The following FANCA variants were observed in gnomAD, a reference collection of about 807,000 sequenced individuals.
FANCA encodes Fanconi anemia group A protein.
In FANCA, 236 loss-of-function variants were observed where a neutral mutation model predicts 194.3. The ratio of observed to expected loss-of-function variants is 1.21; its 90% confidence interval spans 1.09 to 1.35. FANCA has a LOEUF of 1.35. Ranked by LOEUF, FANCA falls within the 40% of genes most tolerant of loss-of-function variation. The pLI, the probability that FANCA is intolerant of heterozygous loss-of-function variation, is 0.00. For synonymous variants in FANCA, 1,014 were observed against 715.8 expected (o/e 1.42, Z -6.65); for missense variants, 2,628 against 1,813.9 (o/e 1.45, Z -8.15).
chr16:89,796,766 T>A (rs113217055), intron 10 of FANCA, among the ~76,000 whole-genome samples: 4,294 of 152,276 alleles, frequency 0.028, 224 homozygotes, highest in African/African-American at 0.098. Context: ...CTCATGCCTG[T>A]AATCCCAGCA....
chr16:89,805,155 AT>A lies in FANCA; in HGVS notation c.709+124del, dbSNP rs2040591372. The A allele has an allele frequency of 3.6e-5, 27 of 741,554 alleles. No homozygotes were observed. The South Asian group carries it at 3.9e-4, about 11-fold the overall frequency. The allele number at this position is 741,554 out of a possible 1,614,324, so 45.9% of individuals were successfully genotyped here. ...AACAGGCTGAGACTGGGAGTCTGTC[AT>A]GCCAGGTTCCCACGGCCACGGAGAG... On this transcript the variant is annotated intron_variant, in intron 7 of 42. Coordinates refer to ENST00000389301, the MANE Select transcript of FANCA (RefSeq NM_000135.4).
At chr16:89,762,392 G>C (rs1278295685) in intron 28 of FANCA, among the ~76,000 whole-genome samples, 2 of 134,332 alleles carry the variant, frequency 1.5e-5, no homozygotes, top group African/African-American at 2.5e-5. Flanking sequence ...CTAGGAGTTT[G>C]ACACCAGCCT....
chr16:89,800,554 T>G (rs945196038), intron 8 of FANCA, among the ~76,000 whole-genome samples: 38 of 152,088 alleles, frequency 2.5e-4, no homozygotes, highest in Non-Finnish European at 7.4e-5. Flanking sequence ...AAAAAAAGAT[T>G]CTAAAATTCA....
intron 30 of FANCA, among the ~76,000 whole-genome samples, chr16:89,754,032 ACACACAGC>A (rs2038687205): frequency 6.6e-6 from 1 of 152,024 alleles, no homozygotes; most frequent in African/African-American, 2.4e-5. Flanking sequence ...CCAGCCTGGG[ACACACAGC>A]GACACTCTGT....
intron 6 of FANCA, among the ~76,000 whole-genome samples, chr16:89,806,261 AC>A (rs965007539): frequency 6.6e-6 from 1 of 151,738 alleles, no homozygotes; most frequent in Non-Finnish European, 1.5e-5. Flanking sequence ...ATTTGGACTT[AC>A]GAATACACAC....
chr16:89,786,287 G>A (rs1186874845), intron 14 of FANCA, among the ~76,000 whole-genome samples: 3 of 152,182 alleles, frequency 2.0e-5, no homozygotes, highest in South Asian at 2.1e-4. Context: ...AGGTTCAAAC[G>A]ATTCTCCTGC....
At chr16:89,766,004 T>A (rs903472229) in intron 27 of FANCA, among the ~76,000 whole-genome samples, 31 of 151,438 alleles carry the variant, frequency 2.0e-4, no homozygotes, top group Non-Finnish European at 2.5e-4. Context: ...TATTTATTTT[T>A]TTTTTTTTTT....
At chr16:89,798,497 G>C in intron 10 of FANCA, 4 of 1,103,612 alleles carry the variant, frequency 3.6e-6, no homozygotes, top group Non-Finnish European at 4.4e-6. Flanking sequence ...ACAAGGCCTG[G>C]AAACAGTGGC....
intron 7 of FANCA, among the ~76,000 whole-genome samples, chr16:89,804,224 T>G (rs1190833288): frequency 6.6e-6 from 1 of 152,150 alleles, no homozygotes; most frequent in East Asian, 1.9e-4. Flanking sequence ...CAAGCTACTG[T>G]ACAGATCAGT....
In FANCA at chr16:89,778,975, G is replaced by A. The variant is rs1304965125; in HGVS notation, c.1744C>T (p.His582Tyr). 6.2e-7 allele frequency: 1 copy of A among 1,613,870 alleles called. No individual in the cohort carries two copies. Among genetic ancestry groups the A allele is most frequent in the Non-Finnish European group, 8.5e-7 (1 of 1,180,042 alleles). The change falls in exon 19 of 43, where the codon CAC becomes TAC. Residue 582 changes from histidine (H) to tyrosine (Y), a missense_variant. Physicochemically the swap from His to Tyr is moderately conservative, Grantham distance 83. Transcript: ENST00000389301. ...SIFRRPYYVS[H>Y]FLPALLTPRV... ...GGTGTGAGCAGGGCGGGGAGGAAGT[G>A]GGACACGTAGTAAGGCCTCCTGAAT...
At chr16:89,758,843 G>C in intron 29 of FANCA, 138 bp from the exon 30 acceptor site, 1 of 1,257,462 alleles carries the variant, frequency 8.0e-7, no homozygotes, top group South Asian at 1.3e-5. Flanking sequence ...CGGGACCTTG[G>C]AGTAGGGATG....
Position 89,759,318 on chromosome 16 carries a change from T to TTAAAAAAAAAAAAAAAAAAAA in FANCA, c.2853-614_2853-613insTTTTTTTTTTTTTTTTTTTTA, listed in dbSNP as rs1224981781. The stretch of plus-strand genomic sequence containing the variant: ...TTGGGCAACAGAGCGAGACTCCGTC[T>TTAAAAAAAAAAAAAAAAAAAA]AAAAAAAAAAAAAAAAAAAAAAAAA... On this transcript the variant is annotated intron_variant, in intron 29 of 42. Transcript: ENST00000389301. 5.1e-4 allele frequency among the ~76,000 whole-genome samples: 38 copies of TTAAAAAAAAAAAAAAAAAAAA among 75,206 alleles called. 8 individuals carry two copies. Among genetic ancestry groups the TTAAAAAAAAAAAAAAAAAAAA allele is most frequent in the African/African-American group, 1.3e-3 (26 of 19,548 alleles). 49.3% of individuals were successfully genotyped at this position (75,206 alleles called of 152,430 possible). A position where few individuals can be genotyped will look rare whatever the true frequency, so the allele number is the denominator to read the frequency against.
At chr16:89,739,445 CCCAGCCCTGA>C (rs1567593604) in intron 40 of FANCA, 23 bp downstream of exon 40, 4 of 1,552,970 alleles carry the variant, frequency 2.6e-6, no homozygotes, top group African/African-American at 1.4e-5. Flanking sequence ...GGAAACACTG[CCCAGCCCTGA>C]CCAGCCCTGT....
In FANCA at chr16:89,773,285, G is replaced by T. The variant is rs755293596; in HGVS notation, c.2000C>A (p.Pro667His). 2 of 1,550,912 alleles carry T rather than the reference G, an allele frequency of 1.3e-6. No homozygotes were observed. The highest frequency in any genetic ancestry group is 3.9e-5 in the Admixed American group (2 of 50,992). ...LGELRASMTDPSQRDVISAQV... is the reference protein window; with the variant it reads ...LGELRASMTDHSQRDVISAQV... ...TCCATCCTCACCATCACGCTGGCTG[G>T]GGTCTGTCATGGAGGCTCTCAGCTC... is the stretch of plus-strand genomic sequence containing the variant. The change falls in exon 22 of 43, where the codon CCC (proline) becomes CAC (histidine). Residue 667 changes from proline to histidine, a missense_variant. Coordinates refer to ENST00000389301, the MANE Select transcript of FANCA (RefSeq NM_000135.4).
At chr16:89,751,695 T>TA (rs1170810341) in intron 31 of FANCA, among the ~76,000 whole-genome samples, 1 of 151,934 alleles carries the variant, frequency 6.6e-6, no homozygotes, top group African/African-American at 2.4e-5. Flanking sequence ...TGCCTACCTG[T>TA]ATAGACTTCA....
At position 89,803,597 on chromosome 16, in the gene FANCA, G is replaced by A. The variant is rs560674565; in HGVS notation, c.710-256C>T. ...TTCCTCTTGCACTTCTATTTGAAAG[G>A]GAACAAGTTTATAGTCAGATTTTTT... On this transcript the variant is annotated intron_variant, in intron 7 of 42. Coordinates refer to ENST00000389301, the MANE Select transcript of FANCA (RefSeq NM_000135.4). Among the ~76,000 whole-genome samples the A allele has an allele frequency of 8.6e-5, 13 of 151,970 alleles. No individual in the cohort carries two copies. In the South Asian group the frequency reaches 2.3e-3, roughly 27 times the overall value.
Position 89,815,881 on chromosome 16 carries a change from AG to A in FANCA, c.184del (p.Glu63ArgfsTer2), listed in dbSNP as rs1260966020. ...CGGACACCAGCTTCCTCTTACCTCA[AG>A]CAAAAGGGCATTCAGGTCCTGATGG... ...RSHQDLNALL[L>X]EVEGPLCKKL... On this transcript the variant is annotated frameshift_variant, in exon 2 of 43. Transcript: ENST00000389301. LOFTEE classifies it high-confidence loss of function. The A allele has an allele frequency of 3.1e-6, 5 of 1,611,998 alleles. No homozygotes were observed. The Admixed American group carries it at 8.3e-5, about 27-fold the overall frequency.
In FANCA at chr16:89,801,260, C is replaced by T. The variant is rs138883678; in HGVS notation, c.793-1622G>A. Among the ~76,000 whole-genome samples, 783 of 146,236 alleles carry T rather than the reference C, an allele frequency of 5.4e-3. 5 individuals carry two copies. The highest frequency in any genetic ancestry group is 0.019 in the African/African-American group (754 of 39,368). On this transcript the variant is annotated intron_variant, in intron 8 of 42. Transcript: ENST00000389301. ...TCAGGAGGCTGAGGCAGGAGAATGGCGTGAACCCCGGAGGCGGAGCTTGCA... is the reference window on the plus strand; with the variant it reads ...TCAGGAGGCTGAGGCAGGAGAATGGTGTGAACCCCGGAGGCGGAGCTTGCA...
rs749345470 is a variant in FANCA, at chr16:89,742,653, C to CAAAAAAAAAAAAAAAAAAAAAAAAAAAAA, written c.3765+146_3765+147insTTTTTTTTTTTTTTTTTTTTTTTTTTTTT. The CAAAAAAAAAAAAAAAAAAAAAAAAAAAAA allele has an allele frequency of 3.2e-5, 10 of 310,744 alleles. 1 individual carries two copies. The highest frequency in any genetic ancestry group is 2.0e-4 in the East Asian group (2 of 9,826). The allele number at this position is 310,744 out of a possible 1,614,324, so 19.2% of individuals were successfully genotyped here. A position where few individuals can be genotyped will look rare whatever the true frequency, so the allele number is the denominator to read the frequency against. Reference sequence around the variant, plus strand: ...TGAAACCCCGTCTCTACTAAAAATACAAAAAAAAAAAAAAAAAAAAAAAGT... The same window carrying CAAAAAAAAAAAAAAAAAAAAAAAAAAAAA: ...TGAAACCCCGTCTCTACTAAAAATACAAAAAAAAAAAAAAAAAAAAAAAAAAAAAAAAAAAAAAAAAAAAAAAAAAAAGT... On this transcript the variant is annotated intron_variant, in intron 37 of 42. Transcript: ENST00000389301.
Sources: allele counts gnomAD v4.1 joint callset (sites outside exome capture counted in the v4.1 genomes callset), GRCh38; gene constraint gnomAD v4.1.1; transcripts MANE v1.5; gene names NCBI Gene and HGNC (gene_info 2026-07-23, HGNC 2026-07-21).